The following BAIAP2L2 variants were observed in gnomAD, a reference collection of about 807,000 sequenced individuals.
BAIAP2L2 encodes BAR/IMD domain-containing adapter protein 2-like 2.
Under a neutral mutation model 60.4 loss-of-function variants are expected in BAIAP2L2, and 65 were observed. The ratio of observed to expected loss-of-function variants is 1.08; its 90% CI spans 0.88 to 1.32. The LOEUF (loss-of-function observed/expected upper bound fraction) is 1.32, where lower values mean the gene tolerates loss of function less well. Ranked by LOEUF, BAIAP2L2 falls within the 40% of genes most tolerant of loss-of-function variation. The pLI is 0.00. For synonymous variants in BAIAP2L2, 344 were observed against 301.7 expected (o/e 1.14, Z -1.45); for missense variants, 836 against 741.2 (o/e 1.13, Z -1.48).
rs2086042951 is a variant in BAIAP2L2 at position 38,085,719 on chromosome 22, G to A, written c.1481C>T (p.Ser494Leu). The A allele has an allele frequency of 3.7e-6, 6 of 1,603,060 alleles. No homozygotes were observed. The East Asian group carries it at 1.3e-4, about 36-fold the overall frequency. The change falls in exon 13 of 14, where the codon TCA (serine) becomes TTA (leucine). Residue 494 changes from serine (S) to leucine (L), a missense_variant. By Grantham distance (145) the Ser-to-Leu change is moderately radical (BLOSUM62 -2). Coordinates refer to ENST00000381669, the MANE Select transcript of BAIAP2L2 (RefSeq NM_025045.6). Reference sequence around the variant, plus strand: ...GAGCTCCTGTGGTGGGTACTGCTCTGAGGACATCAGTTTCTGCAGTGGGGG... The same window carrying A: ...GAGCTCCTGTGGTGGGTACTGCTCTAAGGACATCAGTTTCTGCAGTGGGGG... ...VATDVKKLMS[S>L]EQYPPQELFP...
rs984991078 is a variant in BAIAP2L2, at chr22:38,089,156, C to T, written c.841G>A (p.Ala281Thr). 3 of 1,336,476 alleles carry T rather than the reference C, an allele frequency of 2.2e-6. No homozygotes were observed. The highest frequency in any genetic ancestry group is 2.9e-6 in the Non-Finnish European group (3 of 1,048,118). 82.8% of individuals were successfully genotyped at this position (1,336,476 alleles called of 1,614,324 possible). A position where few individuals can be genotyped will look rare whatever the true frequency, so the allele number is the denominator to read the frequency against. Residue 281 changes from alanine to threonine, a missense_variant, in exon 9 of 14, where the codon GCG becomes ACG. Coordinates refer to ENST00000381669, the MANE Select transcript of BAIAP2L2 (RefSeq NM_025045.6). ...GGCTCTAGCTGGGACGCGGGCCTCG[C>T]GTCGGGCTCGGTGCCGTAGGAGCCG... Reference protein sequence around the residue: ...GSGSYGTEPDARPASQLEPDR... With the variant: ...GSGSYGTEPDTRPASQLEPDR...
chr22:38,094,876 GCGTGGTGGCTCATGCCTGTAATGCCAGCA>G (rs1213329004), intron 7 of BAIAP2L2, among the ~76,000 whole-genome samples: 2 of 152,134 alleles, frequency 1.3e-5, no homozygotes, highest in Non-Finnish European at 2.9e-5. Context: ...CCAGGACCGG[GCGTGGTGGCTCATGCCTGTAATGCCAGCA>G]CTTTGGGAGG....
intron 10 of BAIAP2L2, 125 bp downstream of exon 10, chr22:38,088,623 A>T (rs1359466132): frequency 2.1e-6 from 2 of 936,986 alleles, no homozygotes; most frequent in African/African-American, 3.4e-5. Context: ...GGTCGGGAGG[A>T]GAGGAGCATT....
chr22:38,110,939 G>A (rs2086833364), upstream of BAIAP2L2, among the ~76,000 whole-genome samples: 1 of 152,172 alleles, frequency 6.6e-6, no homozygotes, highest in East Asian at 1.9e-4. Context: ...TACTGGGCGG[G>A]CGCTGCCCGA....
Position 38,108,264 on chromosome 22 carries a change from G to C in BAIAP2L2, c.205C>G (p.Gln69Glu). 6.2e-7 allele frequency: 1 copy of C among 1,612,476 alleles called. No individual in the cohort carries two copies. The highest frequency in any genetic ancestry group is 8.5e-7 in the Non-Finnish European group (1 of 1,179,800). Residue 69 changes from glutamine (Q) to glutamate (E), a missense_variant, in exon 3 of 14, where the codon CAG becomes GAG. Coordinates refer to ENST00000381669, the MANE Select transcript of BAIAP2L2 (RefSeq NM_025045.6). ...GGAGGGGGAGCCTCACCCAGAATCT[G>C]TGAGGTGGGGCTCTGCAGGGCACGC... ...GERALQSPTS[Q>E]ILGEILVQMS...
chr22:38,102,867 G>A (rs1373655388), intron 4 of BAIAP2L2, among the ~76,000 whole-genome samples: 1 of 151,730 alleles, frequency 6.6e-6, no homozygotes, highest in Non-Finnish European at 1.5e-5. Flanking sequence ...GTGAAATCCC[G>A]TCTCTACTAA....
Position 38,085,434 on chromosome 22 carries a change from C to G in BAIAP2L2, c.1515-59G>C, listed in dbSNP as rs2086030471. The G allele has an allele frequency of 2.6e-6, 4 of 1,557,408 alleles. No individual in the cohort carries two copies. In the East Asian group the frequency reaches 9.1e-5, roughly 36 times the overall value. On this transcript the variant is annotated intron_variant, in intron 13 of 13. Coordinates refer to ENST00000381669, the MANE Select transcript of BAIAP2L2 (RefSeq NM_025045.6). ...GCAGATGATCCCCACCTGGCCATGG[C>G]TCAGGAAGGCAGCTGGGCAACTGAG...
rs2086229925 is a variant in BAIAP2L2, at chr22:38,089,604, C to T, written c.683G>A (p.Arg228His). 6 of 1,234,292 alleles carry T rather than the reference C, an allele frequency of 4.9e-6. No individual in the cohort carries two copies. The highest frequency in any genetic ancestry group is 1.6e-5 in the African/African-American group (1 of 64,288). The allele number at this position is 1,234,292 out of a possible 1,614,324, so 76.5% of individuals were successfully genotyped here. The change falls in exon 8 of 14, where the codon CGC becomes CAC. Residue 228 changes from arginine (R) to histidine (H), a missense_variant. Arg to His is a conservative substitution (Grantham distance 29, BLOSUM62 0). Coordinates refer to ENST00000381669, the MANE Select transcript of BAIAP2L2 (RefSeq NM_025045.6). ...GCCCAGCAGGCCGGGGGAGTGGGCGCGCGACGGGCTGCGGCTGGCCTCAGA... is the reference window on the plus strand; with the variant it reads ...GCCCAGCAGGCCGGGGGAGTGGGCGTGCGACGGGCTGCGGCTGGCCTCAGA... ...EQSEASRSPS[R>H]AHSPGLLGPA... is the part of the protein sequence containing the mutation.
chr22:38,107,938 CT>C (rs1386721222), intron 3 of BAIAP2L2, 25 bp from the exon 4 acceptor site: 1 of 1,612,284 alleles, frequency 6.2e-7, no homozygotes, highest in Non-Finnish European at 8.5e-7. Context: ...GCAGCTGTGG[CT>C]TTGGTGTGTG....
At chr22:38,110,453 G>A (rs1428292678) in intron 1 of BAIAP2L2, 22 bp downstream of exon 1, 30 of 1,609,990 alleles carry the variant, frequency 1.9e-5, no homozygotes, top group Non-Finnish European at 2.5e-5. Flanking sequence ...CTCAGGCCTG[G>A]CTTGGCCACC....
At chr22:38,100,987 G>T (rs1316362618) in intron 4 of BAIAP2L2, among the ~76,000 whole-genome samples, 1 of 152,172 alleles carries the variant, frequency 6.6e-6, no homozygotes, top group Admixed American at 6.5e-5. Context: ...GGACATAAGA[G>T]AACTTTCTGG....
chr22:38,089,283 G>GGCCC, intron 8 of BAIAP2L2, 52 bp from the exon 9 acceptor site: 1 of 145,666 alleles, frequency 6.9e-6, no homozygotes, highest in Non-Finnish European at 1.3e-5. Flanking sequence ...GGGGGGCGGG[G>GGCCC]CCGCGCCCTA....
At chr22:38,086,978 A>C (rs2086095891) in intron 11 of BAIAP2L2, 146 bp downstream of exon 11, 2 of 1,093,748 alleles carry the variant, frequency 1.8e-6, no homozygotes, top group Non-Finnish European at 2.4e-6. Flanking sequence ...CCTGGGTGAC[A>C]GGGTGAGACT....
intron 4 of BAIAP2L2, among the ~76,000 whole-genome samples, chr22:38,099,261 T>C (rs1182938769): frequency 6.6e-6 from 1 of 152,186 alleles, no homozygotes; most frequent in Non-Finnish European, 1.5e-5. Flanking sequence ...AGCCTGGGCA[T>C]GGTGGCTTAC....
At chr22:38,086,856 T>C (rs561913008) in intron 11 of BAIAP2L2, among the ~76,000 whole-genome samples, 3 of 150,478 alleles carry the variant, frequency 2.0e-5, no homozygotes, top group African/African-American at 4.9e-5. Flanking sequence ...AGTAGCCAGG[T>C]GTGGTGGTGT....
chr22:38,098,933 A>G (rs137990445), intron 4 of BAIAP2L2, among the ~76,000 whole-genome samples: 3 of 152,234 alleles, frequency 2.0e-5, no homozygotes, highest in East Asian at 3.9e-4. Context: ...TACAGAATTT[A>G]TGGCCAGGGC....
At chr22:38,089,074 G>A (rs2086194814) in intron 9 of BAIAP2L2, 22 bp downstream of exon 9, 3 of 1,380,960 alleles carry the variant, frequency 2.2e-6, no homozygotes, top group Middle Eastern at 2.2e-4. Flanking sequence ...CCCTCCTGCC[G>A]CCCCGGGGCG....
chr22:38,087,295 AAAG>A (rs779582840), intron 10 of BAIAP2L2, 31 bp from the exon 11 acceptor site: 1 of 1,584,084 alleles, frequency 6.3e-7, no homozygotes, highest in South Asian at 1.2e-5. Context: ...ACAATGACCA[AAAG>A]AAGCCAGGCC....
intron 1 of BAIAP2L2, 65 bp downstream of exon 1, chr22:38,110,410 G>T: frequency 6.6e-7 from 1 of 1,511,636 alleles, no homozygotes; most frequent in African/African-American, 1.4e-5. Flanking sequence ...GTCCTCCAGA[G>T]CGGGCCTGAT....
Sources: allele counts gnomAD v4.1 joint callset (sites outside exome capture counted in the v4.1 genomes callset), GRCh38; gene constraint gnomAD v4.1.1; transcripts MANE v1.5; gene names NCBI Gene and HGNC (gene_info 2026-07-23, HGNC 2026-07-21).